MOXD1: variants seen among roughly 807,000 people sequenced by gnomAD.
MOXD1 encodes monooxygenase DBH like 1, also known as DBH-like monooxygenase protein 1.
Under a neutral mutation model 66.6 loss-of-function variants are expected in MOXD1, and 62 were observed. That is an observed-to-expected ratio of 0.93 (90% CI 0.76 to 1.15). The LOEUF (loss-of-function observed/expected upper bound fraction) is 1.15, where lower values mean the gene tolerates loss of function less well. MOXD1 is among the 50% of genes most tolerant of loss of function. MOXD1 has a pLI of 0.00. For missense variants in MOXD1, 847 were observed against 754.6 expected (o/e 1.12, Z -1.44); for synonymous variants, 303 against 281.9 (o/e 1.07, Z -0.75).
intron 4 of MOXD1, among the ~76,000 whole-genome samples, chr6:132,353,981 A>G (rs1052523317): frequency 6.6e-6 from 1 of 152,096 alleles, no homozygotes; most frequent in African/African-American, 2.4e-5. Context: ...AACATTTTGC[A>G]TTTCTATAAG....
intron 8 of MOXD1, among the ~76,000 whole-genome samples, chr6:132,322,155 C>T (rs1039284244): frequency 5.3e-5 from 8 of 152,224 alleles, no homozygotes; most frequent in African/African-American, 1.4e-4. Flanking sequence ...AGCCTTCATT[C>T]TCTTCTCTCC....
intron 6 of MOXD1, among the ~76,000 whole-genome samples, chr6:132,324,728 C>G (rs1775151659): frequency 6.6e-6 from 1 of 152,130 alleles, no homozygotes; most frequent in South Asian, 2.1e-4. Context: ...ATATTCATTA[C>G]AGGGAGGGAG....
Position 132,372,951 on chromosome 6 carries a change from C to T in MOXD1, c.458G>A (p.Gly153Glu). The T allele has an allele frequency of 5.0e-6, 8 of 1,614,002 alleles. No individual in the cohort carries two copies. The highest frequency in any genetic ancestry group is 6.8e-6 in the Non-Finnish European group (8 of 1,179,890). ...GTCATGGTACTTGGGACCAGCTTCT[C>T]CTGCATCTTCATGGTGGTAGGCCCA... ...VIWAYHHEDA[G>E]EAGPKYHDSN... is the part of the protein sequence containing the mutation. Residue 153 changes from glycine to glutamate, a missense_variant, in exon 3 of 12, where the codon GGA becomes GAA. Transcript: ENST00000367963.
intron 1 of MOXD1, among the ~76,000 whole-genome samples, chr6:132,399,099 C>T (rs1227208981): frequency 6.6e-6 from 1 of 152,088 alleles, no homozygotes; most frequent in South Asian, 2.1e-4. Context: ...AATAATAAAA[C>T]TGAAATTGAT....
chr6:132,371,617 G>T (rs750971097), intron 4 of MOXD1, among the ~76,000 whole-genome samples: 2 of 152,120 alleles, frequency 1.3e-5, no homozygotes, highest in African/African-American at 4.8e-5. Context: ...GATAGGAAAA[G>T]TGTTATGGCT....
Position 132,297,004 on chromosome 6 carries a change from T to C in MOXD1, c.*149A>G, listed in dbSNP as rs938827845. The C allele has an allele frequency of 1.2e-5, 8 of 667,474 alleles. No homozygotes were observed. Among genetic ancestry groups the C allele is most frequent in the African/African-American group, 1.8e-5 (1 of 55,646 alleles). 41.3% of individuals were successfully genotyped at this position (667,474 alleles called of 1,614,324 possible). Reference sequence around the variant, plus strand: ...AAGAGAACCTGATTGATGTCTCTCATGTAACATGGAAAGGAAAAAGGAGGG... The same window carrying C: ...AAGAGAACCTGATTGATGTCTCTCACGTAACATGGAAAGGAAAAAGGAGGG... On this transcript the variant is annotated 3_prime_UTR_variant, in exon 12 of 12. Transcript: ENST00000367963.
intron 10 of MOXD1, among the ~76,000 whole-genome samples, chr6:132,304,417 C>T (rs1259633803): frequency 6.6e-6 from 1 of 152,080 alleles, no homozygotes; most frequent in Non-Finnish European, 1.5e-5. Context: ...TAAGAGACTC[C>T]CCTGGAAACA....
chr6:132,368,236 G>A (rs534186560), intron 4 of MOXD1, among the ~76,000 whole-genome samples: 33 of 152,020 alleles, frequency 2.2e-4, no homozygotes, highest in Admixed American at 1.2e-3. Context: ...AGAATCAACC[G>A]TCTTTAAAAA....
intron 4 of MOXD1, among the ~76,000 whole-genome samples, chr6:132,332,130 T>C (rs913110084): frequency 1.4e-4 from 21 of 152,168 alleles, no homozygotes; most frequent in African/African-American, 4.6e-4. Context: ...GTGTTCCTTC[T>C]TACAAAGGGC....
intron 4 of MOXD1, among the ~76,000 whole-genome samples, chr6:132,339,276 A>C (rs1775501437): frequency 6.6e-6 from 1 of 152,186 alleles, no homozygotes; most frequent in African/African-American, 2.4e-5. Context: ...ATATAGTTTT[A>C]AGTATAAATT....
chr6:132,392,093 T>C (rs1776777722), intron 1 of MOXD1: 2 of 1,314,568 alleles, frequency 1.5e-6, no homozygotes, highest in Non-Finnish European at 2.0e-6. Flanking sequence ...TTACAGCCTT[T>C]CAATTTGCTT....
In MOXD1 at chr6:132,381,299, A is replaced by C. The variant is rs1275012723; in HGVS notation, c.265-6522T>G. ...AAATAGTTTAACTTAATGAGACCAA[A>C]GTATTCCCCAGTAGTACCTTATTTC... is the stretch of plus-strand genomic sequence containing the variant. On this transcript the variant is annotated intron_variant, in intron 1 of 11. Coordinates refer to ENST00000367963, the MANE Select transcript of MOXD1 (RefSeq NM_015529.4). Among the ~76,000 whole-genome samples, 3 of 152,366 alleles carry C rather than the reference A, an allele frequency of 2.0e-5. No individual in the cohort carries two copies. In the East Asian group the frequency reaches 5.8e-4, roughly 29 times the overall value.
intron 1 of MOXD1, among the ~76,000 whole-genome samples, chr6:132,383,647 G>A (rs537694837): frequency 1.1e-4 from 16 of 152,096 alleles, no homozygotes; most frequent in Non-Finnish European, 2.2e-4. Flanking sequence ...GAAAGATACA[G>A]CATAAAATCA....
intron 7 of MOXD1, among the ~76,000 whole-genome samples, chr6:132,323,565 GA>G (rs1196240496): frequency 6.6e-6 from 1 of 151,658 alleles, no homozygotes; most frequent in African/African-American, 2.4e-5. Context: ...ATAAGGCAGA[GA>G]AAAATGAAAA....
At chr6:132,384,023 T>C (rs1194702832) in intron 1 of MOXD1, among the ~76,000 whole-genome samples, 1 of 151,216 alleles carries the variant, frequency 6.6e-6, no homozygotes, top group Non-Finnish European at 1.5e-5. Flanking sequence ...TGAGCCGAGA[T>C]CATCCACTGC....
intron 4 of MOXD1, among the ~76,000 whole-genome samples, chr6:132,335,830 G>C (rs187061606): frequency 6.6e-6 from 1 of 152,162 alleles, no homozygotes; most frequent in Admixed American, 6.5e-5. Flanking sequence ...TTTGTGACAC[G>C]AACTCATCAA....
intron 4 of MOXD1, among the ~76,000 whole-genome samples, chr6:132,357,820 G>A (rs2114636316): frequency 6.6e-6 from 1 of 152,196 alleles, no homozygotes; most frequent in East Asian, 1.9e-4. Flanking sequence ...ATAGAGATAA[G>A]TAATAAAAAT....
rs748284245 is a variant in MOXD1 at position 132,374,657 on chromosome 6, A to G, written c.385T>C (p.Cys129Arg). 2 of 1,613,928 alleles carry G rather than the reference A, an allele frequency of 1.2e-6. No individual in the cohort carries two copies. The highest frequency in any genetic ancestry group is 1.3e-5 in the African/African-American group (1 of 75,058). Residue 129 changes from cysteine to arginine, a missense_variant, in exon 2 of 12, where the codon TGT (cysteine) becomes CGT (arginine). Cys to Arg is a radical substitution (Grantham distance 180, BLOSUM62 -3). Coordinates refer to ENST00000367963, the MANE Select transcript of MOXD1 (RefSeq NM_015529.4). ...IIEFTRELHT[C>R]DINDKSITDS... ...GTTATACTCTTGTCATTTATGTCACATGTATGCAGCTCTCTGGTAAATTCA... is the reference window on the plus strand; with the variant it reads ...GTTATACTCTTGTCATTTATGTCACGTGTATGCAGCTCTCTGGTAAATTCA...
intron 1 of MOXD1, among the ~76,000 whole-genome samples, chr6:132,379,896 C>T (rs1431951102): frequency 6.6e-6 from 1 of 152,160 alleles, no homozygotes; most frequent in Non-Finnish European, 1.5e-5. Flanking sequence ...TCACAGCTCA[C>T]TGCAGCCTCA....
Sources: allele counts gnomAD v4.1 joint callset (sites outside exome capture counted in the v4.1 genomes callset), GRCh38; gene constraint gnomAD v4.1.1; transcripts MANE v1.5; gene names NCBI Gene and HGNC (gene_info 2026-07-23, HGNC 2026-07-21).